The following PLEKHG7 variants were observed in gnomAD, a reference collection of about 807,000 sequenced individuals.
The protein encoded by PLEKHG7 is pleckstrin homology and RhoGEF domain containing G7.
Under a neutral mutation model 85.2 loss-of-function variants are expected in PLEKHG7, and 77 were observed. The observed-to-expected ratio is 0.90, with a 90% CI of 0.75 to 1.09. PLEKHG7 has a LOEUF of 1.09. PLEKHG7 is among the 50% of genes least tolerant of loss of function. The pLI, the probability that PLEKHG7 is intolerant of heterozygous loss-of-function variation, is 0.00. For synonymous variants in PLEKHG7, 301 were observed against 302.4 expected, an observed-to-expected ratio of 1.00 and a Z score of 0.05; for missense variants, 777 against 804.3, an observed-to-expected ratio of 0.97 and a Z score of 0.41.
intron 5 of PLEKHG7, among the ~76,000 whole-genome samples, chr12:92,735,388 A>G (rs1299005153): frequency 1.3e-5 from 2 of 152,222 alleles, no homozygotes; most frequent in African/African-American, 4.8e-5. Flanking sequence ...TGAAACTATG[A>G]CACGGTCTCC....
At chr12:92,754,325 C>CCAGAAGGT in intron 11 of PLEKHG7, 61 bp downstream of exon 11, 2 of 1,501,068 alleles carry the variant, frequency 1.3e-6, no homozygotes, top group Non-Finnish European at 1.8e-6. Flanking sequence ...TCCTGGAAAC[C>CCAGAAGGT]TTCTGGGCTT....
chr12:92,755,513 G>A (rs1320165751), intron 11 of PLEKHG7, among the ~76,000 whole-genome samples: 1 of 151,908 alleles, frequency 6.6e-6, no homozygotes, highest in Non-Finnish European at 1.5e-5. Context: ...CTAATTATAG[G>A]CTGTGTGGTC....
At chr12:92,758,832 A>T (rs1872908154) in intron 13 of PLEKHG7, among the ~76,000 whole-genome samples, 1 of 152,198 alleles carries the variant, frequency 6.6e-6, no homozygotes, top group South Asian at 2.1e-4. Context: ...TCGAGATTTG[A>T]TGGGGCAGGG....
At chr12:92,717,217 T>C (rs1871514730) in intron 3 of PLEKHG7, among the ~76,000 whole-genome samples, 1 of 152,192 alleles carries the variant, frequency 6.6e-6, no homozygotes, top group Non-Finnish European at 1.5e-5. Flanking sequence ...GGAGAAAAAT[T>C]AAATACATCC....
intron 3 of PLEKHG7, among the ~76,000 whole-genome samples, chr12:92,715,764 A>T (rs1489299279): frequency 1.3e-5 from 2 of 148,900 alleles, no homozygotes; most frequent in East Asian, 4.0e-4. Flanking sequence ...ATAAACTAGG[A>T]TTTAGCAAAC....
chr12:92,712,170 C>A (rs1003329498), intron 3 of PLEKHG7, among the ~76,000 whole-genome samples: 1 of 152,208 alleles, frequency 6.6e-6, no homozygotes, highest in African/African-American at 2.4e-5. Flanking sequence ...TGGATCCAAT[C>A]AGCATAATGT....
chr12:92,715,737 A>G (rs1002543617), intron 3 of PLEKHG7, among the ~76,000 whole-genome samples: 78 of 151,454 alleles, frequency 5.2e-4, no homozygotes, highest in African/African-American at 1.8e-3. Flanking sequence ...AAAAAAAAAA[A>G]AGGCCTATCA....
At chr12:92,705,405 C>T (rs748478107) in intron 1 of PLEKHG7, among the ~76,000 whole-genome samples, 1 of 152,200 alleles carries the variant, frequency 6.6e-6, no homozygotes, top group Non-Finnish European at 1.5e-5. Flanking sequence ...AAAAGTATTG[C>T]CCATGCAATT....
At chr12:92,761,666 GAA>G (rs1048846302) in intron 13 of PLEKHG7, 84 bp from the exon 14 acceptor site, 10 of 1,340,966 alleles carry the variant, frequency 7.5e-6, no homozygotes, top group South Asian at 1.8e-5. Flanking sequence ...AAGAAAGAAA[GAA>G]AGAAAGAAAG....
intron 6 of PLEKHG7, among the ~76,000 whole-genome samples, 152 bp downstream of exon 6, chr12:92,736,729 G>C (rs1872161375): frequency 6.6e-6 from 1 of 152,122 alleles, no homozygotes; most frequent in Non-Finnish European, 1.5e-5. Context: ...ACTGAGCAGG[G>C]CCTGCTCTCC....
At chr12:92,715,243 C>T (rs1266866193) in intron 3 of PLEKHG7, among the ~76,000 whole-genome samples, 1 of 152,124 alleles carries the variant, frequency 6.6e-6, no homozygotes, top group Non-Finnish European at 1.5e-5. Context: ...CTAAGCCAAT[C>T]TCAGATCTTC....
chr12:92,706,638 A>G lies in PLEKHG7; in HGVS notation c.7A>G (p.Lys3Glu). Residue 3 changes from lysine (K) to glutamate (E), a missense_variant, in exon 2 of 17, where the codon AAA (lysine) becomes GAA (glutamate). Coordinates refer to ENST00000344636, the MANE Select transcript of PLEKHG7 (RefSeq NM_001377329.1). Reference protein sequence around the residue: MEKTESFCPEVPP... With the variant: MEETESFCPEVPP... ...AGTAGAACCTCTTAGCTTTATGGAGAAAACAGAGTCATTCTGTCCAGAGGT... is the reference window on the plus strand; with the variant it reads ...AGTAGAACCTCTTAGCTTTATGGAGGAAACAGAGTCATTCTGTCCAGAGGT... The G allele has an allele frequency of 6.2e-7, 1 of 1,605,240 alleles. No homozygotes were observed. Among genetic ancestry groups the G allele is most frequent in the Non-Finnish European group, 8.5e-7 (1 of 1,176,274 alleles).
At chr12:92,738,219 C>T (rs1210891422) in intron 7 of PLEKHG7, among the ~76,000 whole-genome samples, 2 of 152,168 alleles carry the variant, frequency 1.3e-5, no homozygotes, top group African/African-American at 4.8e-5. Context: ...CGCAGCCATG[C>T]TCTGGTGAGG....
At chr12:92,744,051 C>T (rs1239216284) in intron 9 of PLEKHG7, among the ~76,000 whole-genome samples, 1 of 152,208 alleles carries the variant, frequency 6.6e-6, no homozygotes, top group East Asian at 1.9e-4. Flanking sequence ...CAAAACTTGA[C>T]ATTGCTCCCT....
At chr12:92,709,393 G>A (rs1871325262) in intron 3 of PLEKHG7, among the ~76,000 whole-genome samples, 1 of 152,158 alleles carries the variant, frequency 6.6e-6, no homozygotes, top group African/African-American at 2.4e-5. Context: ...AGATAAACTT[G>A]GGTAAAGAAA....
In PLEKHG7 at chr12:92,769,018, G is replaced by A. The variant is rs761556701; in HGVS notation, c.1906G>A (p.Glu636Lys). The change falls in exon 16 of 17, where the codon GAA becomes AAA. Residue 636 changes from glutamate (E) to lysine (K), a missense_variant. Glu to Lys is a moderately conservative substitution (Grantham distance 56). Coordinates refer to ENST00000344636, the MANE Select transcript of PLEKHG7 (RefSeq NM_001377329.1). ...GAGAAATGCTTTTCTTATACAACAC[G>A]AAAACAGATATCGACAGTGTATAGC... Reference protein sequence around the residue: ...GLRNAFLIQHENRYRQCIAAF... With the variant: ...GLRNAFLIQHKNRYRQCIAAF... 6.9e-6 allele frequency: 11 copies of A among 1,603,492 alleles called. No individual in the cohort carries two copies. The highest frequency in any genetic ancestry group is 2.2e-5 in the South Asian group (2 of 90,134).
At position 92,706,882 on chromosome 12, in the gene PLEKHG7, T is replaced by C. The variant is rs1426966127; in HGVS notation, c.251T>C (p.Leu84Pro). The change falls in exon 2 of 17, where the codon CTT becomes CCT. Residue 84 changes from leucine to proline, a missense_variant. Leu to Pro is a moderately conservative substitution (Grantham distance 98, BLOSUM62 -3). This residue lies in a region of PLEKHG7 where 252 missense variants were observed against 241.9 expected (regional missense o/e 1.04). Transcript: ENST00000344636. ...WGAPVGFPCYLSKSLPGSPKD... is the reference protein window; with the variant it reads ...WGAPVGFPCYPSKSLPGSPKD... ...GCTCCTGTGGGCTTCCCATGTTACC[T>C]TTCGAAGAGCCTGCCAGGAAGCCCA... 6.2e-7 allele frequency: 1 copy of C among 1,614,000 alleles called. No homozygotes were observed. The highest frequency in any genetic ancestry group is 1.7e-5 in the Admixed American group (1 of 60,018).
At chr12:92,710,126 G>T (rs1341982968) in intron 3 of PLEKHG7, among the ~76,000 whole-genome samples, 2 of 152,188 alleles carry the variant, frequency 1.3e-5, no homozygotes, top group African/African-American at 4.8e-5. Flanking sequence ...GATCACTAGG[G>T]GTGATGATGA....
intron 10 of PLEKHG7, among the ~76,000 whole-genome samples, chr12:92,750,141 A>C (rs1294591350): frequency 6.6e-6 from 1 of 151,524 alleles, no homozygotes; most frequent in African/African-American, 2.4e-5. Context: ...GCGACAGGAC[A>C]TATTTTCATC....
Sources: gnomAD v4.1 joint callset for allele counts (sites outside exome capture counted in the v4.1 genomes callset) on GRCh38, gnomAD v4.1.1 for gene constraint, gnomAD v4.1.1 regional missense constraint, MANE v1.5 for transcripts, NCBI Gene and HGNC (gene_info 2026-07-23, HGNC 2026-07-21) for gene names.